The following MSRA variants were observed in gnomAD, a reference collection of about 807,000 sequenced individuals.
The protein encoded by MSRA is methionine sulfoxide reductase A.
In MSRA, 54 loss-of-function variants were observed where a neutral mutation model predicts 31.3. That is an observed-to-expected ratio of 1.73 (90% CI 1.39 to 2.17). MSRA has a LOEUF of 2.17. Among genes scored for constraint, MSRA ranks in the 30% most tolerant of loss-of-function variants. MSRA has a pLI of 0.00. For missense variants in MSRA, 507 were observed against 300.9 expected (o/e 1.69, Z -5.07); for synonymous variants, 169 against 116.5 (o/e 1.45, Z -2.90).
intron 5 of MSRA, among the ~76,000 whole-genome samples, chr8:10,417,691 C>G (rs574213942): frequency 9.3e-5 from 14 of 149,872 alleles, no homozygotes; most frequent in Non-Finnish European, 2.1e-4. Flanking sequence ...TTTGGTCAAC[C>G]TGTGCTCCCT....
intron 1 of MSRA, among the ~76,000 whole-genome samples, chr8:10,177,960 T>A (rs149860426): frequency 6.6e-6 from 1 of 152,346 alleles, no homozygotes; most frequent in African/African-American, 2.4e-5. Flanking sequence ...AGAATTACTT[T>A]GAACCAGGTC....
intron 2 of MSRA, among the ~76,000 whole-genome samples, chr8:10,219,623 G>A (rs567335939): frequency 1.4e-4 from 22 of 151,958 alleles, no homozygotes; most frequent in African/African-American, 3.4e-4. Flanking sequence ...TGGCTAACAC[G>A]GTGAAACCCC....
At chr8:10,283,836 TACACACAC>T (rs372503609) in intron 3 of MSRA, among the ~76,000 whole-genome samples, 95 of 53,106 alleles carry the variant, frequency 1.8e-3, no homozygotes, top group African/African-American at 2.9e-3. Context: ...TATATATATA[TACACACAC>T]ACACACACAC....
intron 1 of MSRA, among the ~76,000 whole-genome samples, chr8:10,197,361 A>T (rs1808082330): frequency 6.6e-6 from 1 of 152,194 alleles, no homozygotes; most frequent in Non-Finnish European, 1.5e-5. Context: ...ATGATGATGG[A>T]GTGCTTGTGT....
intron 5 of MSRA, among the ~76,000 whole-genome samples, chr8:10,345,054 A>G (rs569243469): frequency 6.6e-6 from 1 of 152,082 alleles, no homozygotes; most frequent in African/African-American, 2.4e-5. Context: ...CTCTCTTTCC[A>G]TGGTCTTTCC....
chr8:10,225,780 A>T (rs1328247793), intron 2 of MSRA, among the ~76,000 whole-genome samples: 2 of 152,150 alleles, frequency 1.3e-5, no homozygotes. Context: ...GAGAGGAGGG[A>T]TGCAGGGTGC....
rs1053497570 is a variant in MSRA, at chr8:10,267,967, C to T, written c.331+22744C>T. Among the ~76,000 whole-genome samples, 4 of 152,222 alleles carry T rather than the reference C, an allele frequency of 2.6e-5. 1 individual carries two copies. The highest frequency in any genetic ancestry group is 2.0e-4 in the Admixed American group (3 of 15,286). ...GACCCTGAGGCGGGGTTGCCACATT[C>T]ATTCCCCTTGCATATTTCCCTCATT... On this transcript the variant is annotated intron_variant, in intron 3 of 5. Transcript: ENST00000317173.
At chr8:10,407,163 C>G (rs1025632810) in intron 5 of MSRA, among the ~76,000 whole-genome samples, 2 of 152,208 alleles carry the variant, frequency 1.3e-5, no homozygotes, top group Non-Finnish European at 2.9e-5. Flanking sequence ...AGGCAGAAGC[C>G]ACCATGCCCA....
rs912253549 is a variant in MSRA, at chr8:10,396,907, A to C, written c.544-31241A>C. Among the ~76,000 whole-genome samples the C allele has an allele frequency of 1.3e-5, 2 of 152,214 alleles. 1 individual carries two copies. Among genetic ancestry groups the C allele is most frequent in the Admixed American group, 1.3e-4 (2 of 15,288 alleles). On this transcript the variant is annotated intron_variant, in intron 5 of 5. Coordinates refer to ENST00000317173, the MANE Select transcript of MSRA (RefSeq NM_012331.5). The stretch of plus-strand genomic sequence containing the variant: ...TTATTCAGTTTGACATCTGTGCTCC[A>C]AGGCATGACCTCTTGGGTGCCGATG...
At chr8:10,372,621 G>C (rs1303304006) in intron 5 of MSRA, among the ~76,000 whole-genome samples, 3 of 152,108 alleles carry the variant, frequency 2.0e-5, no homozygotes, top group African/African-American at 4.8e-5. Context: ...CTGAACAAAG[G>C]GGGTTAGCTT....
intron 5 of MSRA, chr8:10,326,689 C>G (rs770757883): frequency 6.6e-6 from 1 of 151,784 alleles, no homozygotes; most frequent in Non-Finnish European, 1.5e-5. Flanking sequence ...TTTTCTTAGC[C>G]TCATTAAAAA....
chr8:10,329,346 G>A (rs1481211746), intron 5 of MSRA, among the ~76,000 whole-genome samples: 5 of 152,154 alleles, frequency 3.3e-5, no homozygotes, highest in Admixed American at 3.3e-4. Context: ...GCGTCTGGTG[G>A]GTGCCACCAT....
chr8:10,111,053 C>G (rs7830843), intron 1 of MSRA, among the ~76,000 whole-genome samples: 41,830 of 152,012 alleles, frequency 0.28, 6,320 homozygotes, highest in East Asian at 0.55. Context: ...AAGGAAGTGT[C>G]AGAACTTCCT....
chr8:10,309,429 T>TTGTC (rs1435263296), intron 4 of MSRA, among the ~76,000 whole-genome samples: 1 of 152,230 alleles, frequency 6.6e-6, no homozygotes, highest in Non-Finnish European at 1.5e-5. Context: ...TGCTGTTTGT[T>TTGTC]TGTCTTGTTC....
intron 4 of MSRA, among the ~76,000 whole-genome samples, chr8:10,302,957 G>T (rs182019509): frequency 9.2e-4 from 140 of 152,356 alleles, no homozygotes; most frequent in African/African-American, 3.2e-3. Flanking sequence ...TGTGGGCCTA[G>T]ATTGCTTTGG....
At chr8:10,066,463 A>G (rs1363647674) in intron 1 of MSRA, among the ~76,000 whole-genome samples, 1 of 152,254 alleles carries the variant, frequency 6.6e-6, no homozygotes, top group South Asian at 2.1e-4. Flanking sequence ...AAAATGGACC[A>G]GATTGTATTT....
intron 1 of MSRA, among the ~76,000 whole-genome samples, chr8:10,200,965 G>T (rs1808443255): frequency 6.6e-6 from 1 of 152,102 alleles, no homozygotes; most frequent in South Asian, 2.1e-4. Flanking sequence ...TGCAGAGATG[G>T]GAGTGGCTAG....
intron 3 of MSRA, among the ~76,000 whole-genome samples, chr8:10,267,178 T>G (rs1713670909): frequency 6.6e-6 from 1 of 152,208 alleles, no homozygotes; most frequent in Admixed American, 6.5e-5. Flanking sequence ...GTAGTAATTA[T>G]GGTACTTTAG....
chr8:10,081,332 G>C (rs1160015455), intron 1 of MSRA, among the ~76,000 whole-genome samples: 1 of 152,186 alleles, frequency 6.6e-6, no homozygotes, highest in East Asian at 1.9e-4. Context: ...CCTTGGCTTA[G>C]TCCCTAGTTC....
Sources: gnomAD v4.1 joint callset for allele counts (sites outside exome capture counted in the v4.1 genomes callset) on GRCh38, gnomAD v4.1.1 for gene constraint, MANE v1.5 for transcripts, NCBI Gene and HGNC (gene_info 2026-07-23, HGNC 2026-07-21) for gene names.